Variants in ELAVL2 observed in about 807,000 individuals in gnomAD.
The protein encoded by ELAVL2 is ELAV-like protein 2.
A neutral mutation model predicts 34.6 loss-of-function variants in ELAVL2; 4 were observed. The ratio of observed to expected loss-of-function variants is 0.12; its 90% CI spans 0.06 to 0.26. ELAVL2 has a LOEUF of 0.26. Among genes scored for constraint, ELAVL2 ranks in the 10% least tolerant of loss-of-function variants. The pLI, the probability that ELAVL2 is intolerant of heterozygous loss-of-function variation, is 1.00. For synonymous variants in ELAVL2, 193 were observed against 154.8 expected (o/e 1.25, Z -1.83); for missense variants, 432 against 442.8 (o/e 0.98, Z 0.22).
intron 2 of ELAVL2, among the ~76,000 whole-genome samples, chr9:23,746,729 T>C (rs2050582939): frequency 6.7e-6 from 1 of 149,034 alleles, no homozygotes; most frequent in Admixed American, 6.8e-5. Flanking sequence ...AATTCCCCAA[T>C]ACAGAAGGAC....
chr9:23,701,293 G>T, intron 5 of ELAVL2, 86 bp downstream of exon 5: 1 of 1,421,740 alleles, frequency 7.0e-7, no homozygotes, highest in South Asian at 1.3e-5. Flanking sequence ...GCAAACCAGA[G>T]ATCCTGTCAA....
rs1554663977 is a variant in ELAVL2 at position 23,702,973 on chromosome 9, A to AAAAC, written c.488-1370_488-1369insGTTT. Among the ~76,000 whole-genome samples the AAAAC allele has an allele frequency of 2.8e-5, 4 of 145,410 alleles. No homozygotes were observed. The East Asian group carries it at 6.7e-4, about 24-fold the overall frequency. The stretch of plus-strand genomic sequence containing the variant: ...TAGCAAAAAAAAAAAAAAAAAAAAA[A>AAAAC]AAAAAAAACAGCCTCTACACAGCTA... On this transcript the variant is annotated intron_variant, in intron 4 of 6. Coordinates refer to ENST00000397312, the MANE Select transcript of ELAVL2 (RefSeq NM_004432.5).
chr9:23,830,405 A>G (rs17557796), upstream of ELAVL2: 47,609 of 151,872 alleles, frequency 0.31, 7,966 homozygotes, highest in Middle Eastern at 0.41. Context: ...TGTGTCTGTA[A>G]ACTCCTGTTC....
At chr9:23,718,262 C>G (rs919613997) in intron 3 of ELAVL2, among the ~76,000 whole-genome samples, 4 of 152,114 alleles carry the variant, frequency 2.6e-5, no homozygotes, top group Non-Finnish European at 4.4e-5. Context: ...CATTTAAACA[C>G]CTGTTTTAAA....
intron 1 of ELAVL2, among the ~76,000 whole-genome samples, chr9:23,795,795 C>T (rs983880429): frequency 2.0e-5 from 3 of 152,150 alleles, no homozygotes; most frequent in African/African-American, 7.2e-5. Flanking sequence ...CATTTAATGG[C>T]AATGTGTCTC....
intron 1 of ELAVL2, among the ~76,000 whole-genome samples, chr9:23,818,332 G>T (rs117075537): frequency 6.6e-6 from 1 of 152,110 alleles, no homozygotes; most frequent in Non-Finnish European, 1.5e-5. Flanking sequence ...CGTAATCTGT[G>T]GGTCCCAGTG....
At chr9:23,779,199 A>T in intron 1 of ELAVL2, 5 of 985,426 alleles carry the variant, frequency 5.1e-6, no homozygotes, top group Non-Finnish European at 6.0e-6. Flanking sequence ...ACAGGAGGTA[A>T]GTGGGGAAGG....
intron 2 of ELAVL2, among the ~76,000 whole-genome samples, chr9:23,761,448 T>C (rs2054975217): frequency 6.6e-6 from 1 of 152,068 alleles, no homozygotes; most frequent in South Asian, 2.1e-4. Context: ...GCTTTATCTT[T>C]ATAACAAGAA....
intron 5 of ELAVL2, among the ~76,000 whole-genome samples, chr9:23,699,427 T>C (rs1379595803): frequency 6.6e-6 from 1 of 152,170 alleles, no homozygotes; most frequent in African/African-American, 2.4e-5. Context: ...AAAAAAAAAG[T>C]AGCTAATATA....
At chr9:23,850,166 G>A in the ELAVL2 span, among the ~76,000 whole-genome samples, 1 of 151,956 alleles carries the variant, frequency 6.6e-6, no homozygotes, top group East Asian at 1.9e-4. Context: ...GGAGAGTTGA[G>A]TGGTTGGAGG....
At chr9:23,741,795 C>T (rs1257652239) in intron 2 of ELAVL2, among the ~76,000 whole-genome samples, 3 of 152,120 alleles carry the variant, frequency 2.0e-5, no homozygotes, top group African/African-American at 7.2e-5. Flanking sequence ...TTTGAAAGCC[C>T]TACGGTAAAT....
At chr9:23,782,445 A>G (rs943488290) in intron 1 of ELAVL2, among the ~76,000 whole-genome samples, 4 of 152,056 alleles carry the variant, frequency 2.6e-5, no homozygotes, top group African/African-American at 9.7e-5. Context: ...GGTAGTGCAC[A>G]CCTGTAATCC....
At chr9:23,741,195 G>A (rs2049076386) in intron 2 of ELAVL2, among the ~76,000 whole-genome samples, 1 of 152,108 alleles carries the variant, frequency 6.6e-6, no homozygotes, top group Non-Finnish European at 1.5e-5. Flanking sequence ...ACATGGAGAA[G>A]AACAAATTTG....
chr9:23,807,752 A>G (rs1283574377), intron 1 of ELAVL2, among the ~76,000 whole-genome samples: 2 of 152,216 alleles, frequency 1.3e-5, no homozygotes, highest in Non-Finnish European at 2.9e-5. Context: ...CCGCCAAGCA[A>G]AAAGCCTAAC....
chr9:23,751,799 G>A (rs1266474640), intron 2 of ELAVL2, among the ~76,000 whole-genome samples: 3 of 152,104 alleles, frequency 2.0e-5, no homozygotes, highest in Non-Finnish European at 2.9e-5. Flanking sequence ...TTTAAGTCAA[G>A]CTAATTCATT....
the ELAVL2 span, chr9:23,847,501 T>C: frequency 6.6e-6 from 1 of 152,134 alleles, no homozygotes; most frequent in Admixed American, 6.6e-5. Context: ...CATTATAAGC[T>C]TTCTGCTATT....
intron 1 of ELAVL2, among the ~76,000 whole-genome samples, chr9:23,803,886 C>T (rs1356775028): frequency 6.6e-6 from 1 of 152,150 alleles, no homozygotes; most frequent in East Asian, 1.9e-4. Flanking sequence ...TTCCTCTGGA[C>T]TGTCAACCAG....
intron 1 of ELAVL2, among the ~76,000 whole-genome samples, chr9:23,777,610 T>G (rs915856113): frequency 6.6e-6 from 1 of 152,020 alleles, no homozygotes; most frequent in African/African-American, 2.4e-5. Flanking sequence ...ATTCTCCATT[T>G]CTAAAGAGCA....
Position 23,704,845 on chromosome 9 carries a change from T to A in ELAVL2, c.487+73A>T, listed in dbSNP as rs897947224. The A allele has an allele frequency of 4.4e-6, 7 of 1,577,822 alleles. No homozygotes were observed. The African/African-American group carries it at 6.8e-5, about 15-fold the overall frequency. ...ATGTTCTAGAAGCAAGACTGCTACA[T>A]GGAAAGACAGAATATTTCACAATCT... is the stretch of plus-strand genomic sequence containing the variant. On this transcript the variant is annotated intron_variant, in intron 4 of 6. Coordinates refer to ENST00000397312, the MANE Select transcript of ELAVL2 (RefSeq NM_004432.5).
Sources: gnomAD v4.1 joint callset for allele counts (sites outside exome capture counted in the v4.1 genomes callset) on GRCh38, gnomAD v4.1.1 for gene constraint, MANE v1.5 for transcripts, NCBI Gene and HGNC (gene_info 2026-07-23, HGNC 2026-07-21) for gene names.